CATSPERG: variants seen among roughly 807,000 people sequenced by gnomAD.
The protein encoded by CATSPERG is cation channel sperm-associated auxiliary subunit gamma.
Under a neutral mutation model 145.0 loss-of-function variants are expected in CATSPERG, and 115 were observed. That is an observed-to-expected ratio of 0.79 (90% CI 0.68 to 0.93). CATSPERG has a LOEUF of 0.93. Among genes scored for constraint, CATSPERG ranks in the 40% least tolerant of loss-of-function variants. CATSPERG has a pLI of 0.00. For missense variants in CATSPERG, 1,296 were observed against 1,490.1 expected (o/e 0.87, Z 2.14); for synonymous variants, 588 against 589.0 (o/e 1.00, Z 0.02).
chr19:38,360,948 C>A, intron 16 of CATSPERG, 105 bp downstream of exon 16: 1 of 945,436 alleles, frequency 1.1e-6, no homozygotes, highest in Non-Finnish European at 1.6e-6. Context: ...CCAGTGAAAA[C>A]CTCAGGGCTA....
chr19:38,358,151 A>G, intron 11 of CATSPERG, 127 bp from the exon 12 acceptor site: 1 of 847,752 alleles, frequency 1.2e-6, no homozygotes, highest in Non-Finnish European at 1.9e-6. Context: ...TCTAAGGACT[A>G]GCAAACCCGA....
At chr19:38,356,909 G>T in intron 11 of CATSPERG, 48 bp downstream of exon 11, 1 of 1,605,084 alleles carries the variant, frequency 6.2e-7, no homozygotes, top group Non-Finnish European at 8.5e-7. Context: ...CAGGATCCCA[G>T]ACTGTGGACT....
At chr19:38,350,662 G>A (rs959156417) in intron 7 of CATSPERG, among the ~76,000 whole-genome samples, 3 of 152,102 alleles carry the variant, frequency 2.0e-5, no homozygotes, top group African/African-American at 7.2e-5. Flanking sequence ...ACAGGCACTC[G>A]GCCACATTCC....
Position 38,352,392 on chromosome 19 carries a change from A to G in CATSPERG, c.957A>G (p.Thr319=), listed in dbSNP as rs1283988016. 2.6e-6 allele frequency: 4 copies of G among 1,551,696 alleles called. No homozygotes were observed. Among genetic ancestry groups the G allele is most frequent in the Admixed American group, 2.0e-5 (1 of 50,932 alleles). ...IRQNQLVYYF[T]GTYTTLYERN... Reference sequence around the variant, plus strand: ...AGAACCAGCTGGTCTACTATTTTACAGGCACCTATACCACACTCTATGAGA... The same window carrying G: ...AGAACCAGCTGGTCTACTATTTTACGGGCACCTATACCACACTCTATGAGA... Residue 319 remains threonine, a synonymous_variant, in exon 8 of 29, where the codon ACA becomes ACG. Coordinates refer to ENST00000409235, the MANE Select transcript of CATSPERG (RefSeq NM_021185.5).
chr19:38,350,012 C>G (rs1054478216), intron 7 of CATSPERG, among the ~76,000 whole-genome samples: 7 of 152,158 alleles, frequency 4.6e-5, no homozygotes, highest in Admixed American at 2.0e-4. Flanking sequence ...TTGTTCCTTC[C>G]ATTTTCTCTC....
In CATSPERG at chr19:38,335,890, G is replaced by C. The variant is rs1450359223; in HGVS notation, c.-15+15G>C. The C allele has an allele frequency of 1.9e-5, 5 of 257,990 alleles. No homozygotes were observed. Among genetic ancestry groups the C allele is most frequent in the African/African-American group, 6.9e-5 (3 of 43,284 alleles). The allele number at this position is 257,990 out of a possible 1,614,324, so 16.0% of individuals were successfully genotyped here. A position where few individuals can be genotyped will look rare whatever the true frequency, so the allele number is the denominator to read the frequency against. On this transcript the variant is annotated intron_variant, in intron 1 of 28. Transcript: ENST00000409235. ...CCAAGTGACTGGTACCACGGGGCCG[G>C]GGAAAAAGCTGTGCCATCCAGGGGC...
rs755618383 is a variant in CATSPERG at position 38,346,642 on chromosome 19, TGGAG to T, written c.825+42_825+45del. On this transcript the variant is annotated intron_variant, in intron 7 of 28. Transcript: ENST00000409235. Reference sequence around the variant, plus strand: ...GGGGCAGATGGTGGGCGGGGCGTCTTGGAGGGAGCTGGGCCTCAGCCCCTGAAAT... The same window carrying T: ...GGGGCAGATGGTGGGCGGGGCGTCTTGGAGCTGGGCCTCAGCCCCTGAAAT... The T allele has an allele frequency of 3.7e-5, 57 of 1,524,802 alleles. 3 individuals are homozygous for T. In the South Asian group the frequency reaches 6.8e-4, roughly 18 times the overall value. The allele number at this position is 1,524,802 out of a possible 1,614,324, so 94.5% of individuals were successfully genotyped here.
intron 14 of CATSPERG, chr19:38,360,067 T>A (rs1970317484): frequency 1.0e-6 from 1 of 985,030 alleles, no homozygotes; most frequent in East Asian, 1.1e-4. Context: ...GAAGGTTCCC[T>A]TCAGATGTGT....
Position 38,359,566 on chromosome 19 carries a change from CACAG to C in CATSPERG, c.1595_1598del (p.Thr532ArgfsTer30). On this transcript the variant is annotated frameshift_variant, in exon 14 of 29. Transcript: ENST00000409235. LOFTEE classifies it high-confidence loss of function. ...CGTTCCGTGGGGCTGTGGCTATTGTCACAGAGACGGAGGAGGTGGGCTGCCCCGC... is the reference window on the plus strand; with the variant it reads ...CGTTCCGTGGGGCTGTGGCTATTGTCAGACGGAGGAGGTGGGCTGCCCCGC... 6.2e-7 allele frequency: 1 copy of C among 1,612,966 alleles called. No individual in the cohort carries two copies. Among genetic ancestry groups the C allele is most frequent in the Non-Finnish European group, 8.5e-7 (1 of 1,179,426 alleles).
Position 38,370,899 on chromosome 19 carries a change from G to C in CATSPERG, c.*107G>C. 7.9e-7 allele frequency: 1 copy of C among 1,265,098 alleles called. No individual in the cohort carries two copies. Among genetic ancestry groups the C allele is most frequent in the Non-Finnish European group, 1.1e-6 (1 of 902,562 alleles). The allele number at this position is 1,265,098 out of a possible 1,614,324, so 78.4% of individuals were successfully genotyped here. ...CCAGGCCTCTCTTTCTGTTTTGCTT[G>C]ATGTTTACTTCTCGTTCAGACTCAA... On this transcript the variant is annotated 3_prime_UTR_variant, in exon 29 of 29. Coordinates refer to ENST00000409235, the MANE Select transcript of CATSPERG (RefSeq NM_021185.5).
chr19:38,356,691 C>T (rs770848253), intron 10 of CATSPERG, 51 bp from the exon 11 acceptor site: 64 of 1,609,104 alleles, frequency 4.0e-5, no homozygotes, highest in Non-Finnish European at 5.2e-5. Context: ...TGGCACAGGA[C>T]CAAGGCTATT....
chr19:38,339,266 A>C (rs1252865725), intron 3 of CATSPERG, among the ~76,000 whole-genome samples: 15 of 152,122 alleles, frequency 9.9e-5, no homozygotes, highest in African/African-American at 3.6e-4. Flanking sequence ...CGCAAGGAGC[A>C]AGCAAGTCTA....
Position 38,354,850 on chromosome 19 carries a change from A to C in CATSPERG, c.1135+3A>C, listed in dbSNP as rs1970214987. The stretch of plus-strand genomic sequence containing the variant: ...TGTACACTTCGGGACCATCAGAGGT[A>C]AGGGTGTGGGCCTCTGTCAGCCCCA... On this transcript the variant is annotated splice_donor_region_variant and intron_variant, in intron 9 of 28. Coordinates refer to ENST00000409235, the MANE Select transcript of CATSPERG (RefSeq NM_021185.5). 6.2e-7 allele frequency: 1 copy of C among 1,613,588 alleles called. No individual in the cohort carries two copies. The highest frequency in any genetic ancestry group is 1.7e-5 in the Admixed American group (1 of 59,958).
At position 38,344,330 on chromosome 19, in the gene CATSPERG, G is replaced by C; in HGVS notation, c.631G>C (p.Asp211His). ...QMNINGFLKRDRDNNIQFTVG... is the reference protein window; with the variant it reads ...QMNINGFLKRHRDNNIQFTVG... ...GAATATCAACGGCTTCCTGAAGAGA[G>C]ACCGGGACAATAACATCCAATTCAC... Residue 211 changes from aspartate (D) to histidine (H), a missense_variant, in exon 6 of 29, where the codon GAC becomes CAC. Physicochemically the swap from Asp to His is moderately conservative, Grantham distance 81. Transcript: ENST00000409235. 2 of 1,551,806 alleles carry C rather than the reference G, an allele frequency of 1.3e-6. No individual in the cohort carries two copies. The highest frequency in any genetic ancestry group is 1.7e-6 in the Non-Finnish European group (2 of 1,147,004).
At chr19:38,353,944 T>C (rs1261117948) in intron 8 of CATSPERG, among the ~76,000 whole-genome samples, 5 of 130,300 alleles carry the variant, frequency 3.8e-5, no homozygotes, top group Non-Finnish European at 7.6e-5. Context: ...TGAGCCAAGA[T>C]CGTGCCACTG....
Position 38,343,883 on chromosome 19 carries a change from T to A in CATSPERG, c.470-110T>A. Reference sequence around the variant, plus strand: ...CACACAGAGGCCCCAGTGGGACCCATGGCGTGGAGGCAGGTATGGGGAGTT... The same window carrying A: ...CACACAGAGGCCCCAGTGGGACCCAAGGCGTGGAGGCAGGTATGGGGAGTT... On this transcript the variant is annotated intron_variant, in intron 4 of 28. Coordinates refer to ENST00000409235, the MANE Select transcript of CATSPERG (RefSeq NM_021185.5). The A allele has an allele frequency of 3.5e-6, 5 of 1,441,726 alleles. No individual in the cohort carries two copies. In the South Asian group the frequency reaches 6.4e-5, roughly 19 times the overall value. The allele number at this position is 1,441,726 out of a possible 1,614,324, so 89.3% of individuals were successfully genotyped here.
chr19:38,353,361 A>G (rs534070414), intron 8 of CATSPERG, among the ~76,000 whole-genome samples: 1 of 150,856 alleles, frequency 6.6e-6, no homozygotes, highest in African/African-American at 2.4e-5. Context: ...AAAGCGAGAG[A>G]GATGAAAAAG....
chr19:38,364,917 C>G lies in CATSPERG; in HGVS notation c.2502C>G (p.Cys834Trp). ...FSITLKDKKL[C>W]YDQGISGHHL... ...TTACGCTCAAGGATAAAAAGCTTTG[C>G]TATGACCAAGGCATTAGTGGACATC... The change falls in exon 21 of 29, where the codon TGC becomes TGG. Residue 834 changes from cysteine to tryptophan, a missense_variant. Cys to Trp is a radical substitution (Grantham distance 215). Coordinates refer to ENST00000409235, the MANE Select transcript of CATSPERG (RefSeq NM_021185.5). 1.2e-6 allele frequency: 2 copies of G among 1,614,078 alleles called. No individual in the cohort carries two copies. Among genetic ancestry groups the G allele is most frequent in the Non-Finnish European group, 1.7e-6 (2 of 1,179,884 alleles).
intron 26 of CATSPERG, 97 bp from the exon 27 acceptor site, chr19:38,369,875 T>G: frequency 9.2e-7 from 1 of 1,082,912 alleles, no homozygotes; most frequent in Non-Finnish European, 1.4e-6. Flanking sequence ...TTGCACCCAT[T>G]TGGTCCTCAC....
Sources: allele counts gnomAD v4.1 joint callset (sites outside exome capture counted in the v4.1 genomes callset), GRCh38; gene constraint gnomAD v4.1.1; transcripts MANE v1.5; gene names NCBI Gene and HGNC (gene_info 2026-07-23, HGNC 2026-07-21).